The following ADAMTSL1 variants were observed in gnomAD, a reference collection of about 807,000 sequenced individuals.
The protein encoded by ADAMTSL1 is ADAMTS-like protein 1.
In ADAMTSL1, 126 loss-of-function variants were observed where a neutral mutation model predicts 201.8. The observed-to-expected ratio is 0.62, with a 90% CI of 0.54 to 0.72. The LOEUF (loss-of-function observed/expected upper bound fraction) is 0.72. Among genes scored for constraint, ADAMTSL1 ranks in the 30% least tolerant of loss-of-function variants. ADAMTSL1 has a pLI of 0.00. For synonymous variants in ADAMTSL1, 1,121 were observed against 903.4 expected, an observed-to-expected ratio of 1.24 and a Z score of -4.32; for missense variants, 2,679 against 2,277.8, an observed-to-expected ratio of 1.18 and a Z score of -3.59.
At chr9:17,959,278 T>C (rs2772689) in intron 1 of ADAMTSL1, among the ~76,000 whole-genome samples, 91,230 of 151,880 alleles carry the variant, frequency 0.6, 27,993 homozygotes, top group East Asian at 0.92. Flanking sequence ...CTTACTGTTG[T>C]ACTTTTTTCT....
chr9:18,407,523 T>C (rs10810964), intron 2 of ADAMTSL1, among the ~76,000 whole-genome samples: 90,551 of 151,946 alleles, frequency 0.6, 27,760 homozygotes, highest in East Asian at 0.85. Context: ...TGAGAAGTAG[T>C]AGCCTGGGAG....
At chr9:18,511,057 G>A (rs1344977134) in intron 2 of ADAMTSL1, among the ~76,000 whole-genome samples, 1 of 151,996 alleles carries the variant, frequency 6.6e-6, no homozygotes, top group Non-Finnish European at 1.5e-5. Flanking sequence ...AACATTATCT[G>A]TCTCCCTGTA....
At chr9:18,868,307 G>A (rs1827669552) in intron 23 of ADAMTSL1, among the ~76,000 whole-genome samples, 4 of 151,872 alleles carry the variant, frequency 2.6e-5, no homozygotes, top group South Asian at 2.1e-4. Context: ...TGTTTCCATC[G>A]ACTGATTTTT....
At chr9:18,896,558 G>A (rs1333479535) in intron 26 of ADAMTSL1, among the ~76,000 whole-genome samples, 1 of 152,108 alleles carries the variant, frequency 6.6e-6, no homozygotes, top group Non-Finnish European at 1.5e-5. Context: ...GGACTGACTA[G>A]GCAATCAACT....
intron 2 of ADAMTSL1, among the ~76,000 whole-genome samples, chr9:18,286,505 G>T (rs1832997801): frequency 6.6e-6 from 1 of 152,112 alleles, no homozygotes. Context: ...TTATAGCCCT[G>T]TAATAAACAG....
chr9:18,419,922 G>A (rs1234631425), intron 2 of ADAMTSL1, among the ~76,000 whole-genome samples: 1 of 151,918 alleles, frequency 6.6e-6, no homozygotes, highest in African/African-American at 2.4e-5. Context: ...TAGAGATGGG[G>A]TTTCACCATG....
chr9:17,993,781 T>C (rs1463118964), intron 1 of ADAMTSL1, among the ~76,000 whole-genome samples: 1 of 152,196 alleles, frequency 6.6e-6, no homozygotes, highest in East Asian at 1.9e-4. Context: ...TTGTTTTCTT[T>C]GGCATTTACA....
intron 17 of ADAMTSL1, 97 bp downstream of exon 17, chr9:18,770,878 A>C: frequency 8.1e-7 from 1 of 1,233,456 alleles, no homozygotes; most frequent in Non-Finnish European, 1.1e-6. Context: ...GAACAAAACA[A>C]TCTTCCTAAT....
intron 1 of ADAMTSL1, among the ~76,000 whole-genome samples, chr9:18,135,408 A>G (rs1389039713): frequency 6.6e-6 from 1 of 152,168 alleles, no homozygotes; most frequent in African/African-American, 2.4e-5. Flanking sequence ...TTAAAAAAAT[A>G]TATTTTCTGT....
At chr9:18,173,828 A>G (rs1282063405) in intron 2 of ADAMTSL1, among the ~76,000 whole-genome samples, 4 of 152,126 alleles carry the variant, frequency 2.6e-5, no homozygotes, top group Admixed American at 6.6e-5. Context: ...TTCACGTTTC[A>G]TATTGTGAGG....
At chr9:18,351,793 C>T (rs1835975399) in intron 2 of ADAMTSL1, among the ~76,000 whole-genome samples, 1 of 152,180 alleles carries the variant, frequency 6.6e-6, no homozygotes, top group Non-Finnish European at 1.5e-5. Context: ...CTTCCTGAAA[C>T]CACATTCTTT....
intron 2 of ADAMTSL1, among the ~76,000 whole-genome samples, chr9:18,280,593 A>AT (rs1048801389): frequency 2.6e-5 from 4 of 152,022 alleles, no homozygotes; most frequent in South Asian, 4.2e-4. Context: ...CTGAGAAATG[A>AT]TTTTTTTGCA....
Position 18,210,481 on chromosome 9 carries a change from A to T in ADAMTSL1, c.207+46500A>T, listed in dbSNP as rs10963521. On this transcript the variant is annotated intron_variant, in intron 2 of 29. Coordinates refer to the ADAMTSL1 transcript ENST00000680146. ...TATATATTAATTATATATGATATAT[A>T]AATAAATATATATTAATTATATATG... 1.1e-3 allele frequency among the ~76,000 whole-genome samples: 167 copies of T among 147,188 alleles called. 1 individual carries two copies. The highest frequency in any genetic ancestry group is 3.4e-3 in the African/African-American group (137 of 40,646).
At chr9:17,944,315 A>G (rs200397964) in intron 1 of ADAMTSL1, among the ~76,000 whole-genome samples, 6 of 152,046 alleles carry the variant, frequency 3.9e-5, no homozygotes, top group Non-Finnish European at 7.4e-5. Flanking sequence ...AAATAAAAGA[A>G]GATACAAACA....
chr9:18,620,427 C>T (rs979572196), intron 4 of ADAMTSL1, among the ~76,000 whole-genome samples: 12 of 152,064 alleles, frequency 7.9e-5, no homozygotes, highest in African/African-American at 2.4e-4. Flanking sequence ...AGCAGGTCCT[C>T]AATAAATATT....
chr9:18,093,828 C>T (rs1276068947), intron 1 of ADAMTSL1, among the ~76,000 whole-genome samples: 1 of 152,082 alleles, frequency 6.6e-6, no homozygotes, highest in Non-Finnish European at 1.5e-5. Flanking sequence ...GGTGTTTGAA[C>T]CAAGCTTTGG....
intron 2 of ADAMTSL1, among the ~76,000 whole-genome samples, chr9:18,519,972 T>A (rs763182286): frequency 3.3e-5 from 5 of 152,246 alleles, no homozygotes; most frequent in Non-Finnish European, 7.3e-5. Context: ...TGCTTTGCTA[T>A]AGCATGTCTT....
At chr9:18,690,212 A>AAAG (rs764778193) in intron 13 of ADAMTSL1, among the ~76,000 whole-genome samples, 8,517 of 152,262 alleles carry the variant, frequency 0.056, 372 homozygotes, top group African/African-American at 0.12. Flanking sequence ...TGCCTTGTTT[A>AAAG]TCTTGTTGAA....
intron 20 of ADAMTSL1, among the ~76,000 whole-genome samples, chr9:18,800,643 A>T (rs1822736724): frequency 6.6e-6 from 1 of 152,182 alleles, no homozygotes; most frequent in Non-Finnish European, 1.5e-5. Context: ...CCAGTTGACT[A>T]GAGGAAATAA....
Sources: allele counts gnomAD v4.1 joint callset (sites outside exome capture counted in the v4.1 genomes callset), GRCh38; gene constraint gnomAD v4.1.1; transcripts MANE v1.5; gene names NCBI Gene and HGNC (gene_info 2026-07-23, HGNC 2026-07-21).